Variants in FDFT1 observed in about 807,000 individuals in gnomAD.
The protein encoded by FDFT1 is farnesyl-diphosphate farnesyltransferase 1.
A neutral mutation model predicts 46.8 loss-of-function variants in FDFT1; 68 were observed. That is an observed-to-expected ratio of 1.45 (90% CI 1.19 to 1.78). FDFT1 has a LOEUF of 1.78. Among genes scored for constraint, FDFT1 ranks in the 40% most tolerant of loss-of-function variants. The pLI is 0.00. For synonymous variants in FDFT1, 351 were observed against 185.1 expected (o/e 1.90, Z -7.28); for missense variants, 928 against 524.4 (o/e 1.77, Z -7.52).
chr8:11,796,311 C>T (rs1469850293), intron 1 of FDFT1, among the ~76,000 whole-genome samples: 14 of 152,186 alleles, frequency 9.2e-5, no homozygotes, highest in African/African-American at 3.1e-4. Context: ...ACGCTGTAAA[C>T]ACTCCGCCAG....
intron 3 of FDFT1, among the ~76,000 whole-genome samples, chr8:11,812,375 A>T (rs1187783486): frequency 6.6e-6 from 1 of 151,884 alleles, no homozygotes; most frequent in Non-Finnish European, 1.5e-5. Flanking sequence ...TGTGTTGGGG[A>T]GTGTTGTGGA....
rs1263001445 is a variant in FDFT1 at position 11,808,540 on chromosome 8, C to G, written c.100-254C>G. 15 of 1,340,590 alleles carry G rather than the reference C, an allele frequency of 1.1e-5. No homozygotes were observed. The South Asian group carries it at 2.4e-4, about 21-fold the overall frequency. The allele number at this position is 1,340,590 out of a possible 1,614,324, so 83.0% of individuals were successfully genotyped here. A position where few individuals can be genotyped will look rare whatever the true frequency, so the allele number is the denominator to read the frequency against. On this transcript the variant is annotated intron_variant, in intron 1 of 7. Transcript: ENST00000220584. ...CCCATGGCCGCAGCCGCCTGCGGCA[C>G]CAAGGCCATGGCCCTCTTCAAGCGC... is the stretch of plus-strand genomic sequence containing the variant.
At chr8:11,820,917 G>A (rs1291847988) in intron 3 of FDFT1, among the ~76,000 whole-genome samples, 1 of 152,204 alleles carries the variant, frequency 6.6e-6, no homozygotes, top group Non-Finnish European at 1.5e-5. Flanking sequence ...AGGTACCTCA[G>A]TTGGAAATGC....
intron 1 of FDFT1, among the ~76,000 whole-genome samples, chr8:11,797,033 A>G (rs1805625722): frequency 6.6e-6 from 1 of 152,254 alleles, no homozygotes; most frequent in East Asian, 1.9e-4. Context: ...ATCTGTAGGA[A>G]AAGGGTAGTA....
upstream of FDFT1, among the ~76,000 whole-genome samples, chr8:11,801,451 C>G (rs549625189): frequency 3.3e-4 from 50 of 152,082 alleles, no homozygotes; most frequent in African/African-American, 1.2e-3. Flanking sequence ...TCCCAGGTAG[C>G]TGGGATTATA....
intron 1 of FDFT1, among the ~76,000 whole-genome samples, chr8:11,804,010 T>C (rs1239383796): frequency 6.6e-6 from 1 of 152,276 alleles, no homozygotes; most frequent in African/African-American, 2.4e-5. Flanking sequence ...TGTCACTTTT[T>C]ATATTTAGAT....
chr8:11,837,628 A>T (rs571684078), intron 7 of FDFT1, among the ~76,000 whole-genome samples: 29 of 152,140 alleles, frequency 1.9e-4, no homozygotes, highest in Non-Finnish European at 3.7e-4. Flanking sequence ...CTTGCGCTAC[A>T]CATTACAGAG....
At chr8:11,797,392 G>C (rs1242328808), upstream of FDFT1, among the ~76,000 whole-genome samples, 1 of 152,150 alleles carries the variant, frequency 6.6e-6, no homozygotes, top group East Asian at 1.9e-4. Flanking sequence ...CTAACAAATA[G>C]CACCATCACA....
chr8:11,835,472 G>A (rs571922974), intron 7 of FDFT1, among the ~76,000 whole-genome samples: 5 of 152,214 alleles, frequency 3.3e-5, no homozygotes, highest in Admixed American at 6.5e-5. Flanking sequence ...TTGTATTACC[G>A]GGGACTGTCA....
chr8:11,814,494 T>G (rs1421812029), intron 3 of FDFT1, among the ~76,000 whole-genome samples: 1 of 152,188 alleles, frequency 6.6e-6, no homozygotes, highest in Non-Finnish European at 1.5e-5. Flanking sequence ...ATTGCATACT[T>G]TCAATGTTTA....
intron 3 of FDFT1, among the ~76,000 whole-genome samples, chr8:11,810,579 C>CTGTAAG (rs1393344326): frequency 7.2e-5 from 11 of 152,154 alleles, no homozygotes; most frequent in African/African-American, 2.4e-4. Context: ...GCTATTTGGT[C>CTGTAAG]TATTTTGTTG....
chr8:11,812,713 C>A (rs1440361155), intron 3 of FDFT1, among the ~76,000 whole-genome samples: 1 of 152,136 alleles, frequency 6.6e-6, no homozygotes, highest in Non-Finnish European at 1.5e-5. Flanking sequence ...TTATCCCAGG[C>A]CTTGCAGAAT....
At chr8:11,817,353 G>A (rs1468988853) in intron 3 of FDFT1, among the ~76,000 whole-genome samples, 1 of 152,208 alleles carries the variant, frequency 6.6e-6, no homozygotes, top group Admixed American at 6.5e-5. Flanking sequence ...TTGTCTGCCA[G>A]GCTTTGGTAT....
intron 3 of FDFT1, among the ~76,000 whole-genome samples, chr8:11,816,776 C>A (rs987995315): frequency 2.0e-5 from 3 of 152,150 alleles, no homozygotes; most frequent in Admixed American, 6.6e-5. Flanking sequence ...AGGGCTGAGA[C>A]GATGGGGTTT....
intron 7 of FDFT1, among the ~76,000 whole-genome samples, chr8:11,836,139 C>A (rs998239505): frequency 2.2e-5 from 3 of 135,898 alleles, no homozygotes; most frequent in South Asian, 2.6e-4. Flanking sequence ...GGTGACAGAG[C>A]GAGACACCAT....
chr8:11,817,646 T>C (rs957624192), intron 3 of FDFT1, among the ~76,000 whole-genome samples: 1 of 152,238 alleles, frequency 6.6e-6, no homozygotes, highest in Non-Finnish European at 1.5e-5. Context: ...TTCTAGCTTA[T>C]TTGCATAGAG....
intron 3 of FDFT1, among the ~76,000 whole-genome samples, chr8:11,818,648 T>C (rs1240174391): frequency 6.6e-6 from 1 of 152,194 alleles, no homozygotes; most frequent in South Asian, 2.1e-4. Context: ...TCTTAGTTGG[T>C]TTAAAGTCTG....
chr8:11,808,548 A>T, intron 1 of FDFT1: 1 of 1,365,834 alleles, frequency 7.3e-7, no homozygotes, highest in Non-Finnish European at 9.4e-7. Context: ...CACCAAGGCC[A>T]TGGCCCTCTT....
upstream of FDFT1, chr8:11,797,890 G>A (rs960036544): frequency 6.6e-6 from 1 of 152,256 alleles, no homozygotes; most frequent in Admixed American, 6.5e-5. Flanking sequence ...GACTGGATCA[G>A]GGTGTGAAAG....
Sources: gnomAD v4.1 joint callset for allele counts (sites outside exome capture counted in the v4.1 genomes callset) on GRCh38, gnomAD v4.1.1 for gene constraint, MANE v1.5 for transcripts, NCBI Gene and HGNC (gene_info 2026-07-23, HGNC 2026-07-21) for gene names.